Variants in TAOK3 observed in about 807,000 individuals in gnomAD.
TAOK3 encodes serine/threonine-protein kinase TAO3.
TAOK3 carries 40 observed loss-of-function variants against 120.4 expected under a neutral mutation model. The observed-to-expected ratio is 0.33, with a 90% CI of 0.26 to 0.43. The LOEUF (loss-of-function observed/expected upper bound fraction) is 0.43. Ranked by LOEUF, TAOK3 falls within the 20% of genes least tolerant of loss-of-function variation. TAOK3 has a pLI of 1.00. For synonymous variants in TAOK3, 355 were observed against 387.5 expected (o/e 0.92, Z 0.99); for missense variants, 821 against 1,112.1 (o/e 0.74, Z 3.72).
intron 11 of TAOK3, among the ~76,000 whole-genome samples, chr12:118,207,241 G>T (rs753888369): frequency 2.6e-5 from 4 of 151,082 alleles, no homozygotes; most frequent in Admixed American, 6.6e-5. Flanking sequence ...CAGGAGAATC[G>T]CTTGAACCAG....
chr12:118,244,920 A>T lies in TAOK3; in HGVS notation c.166T>A (p.Ser56Thr). The T allele has an allele frequency of 6.2e-7, 1 of 1,609,546 alleles. No homozygotes were observed. Among genetic ancestry groups the T allele is most frequent in the South Asian group, 1.1e-5 (1 of 91,008 alleles). ...TCATGGGTCTGCTTCCCACTATAGG[A>T]CATCTTCTTAATTGCCACCACCTCA... Reference protein sequence around the residue: ...TSEVVAIKKMSYSGKQTHEKW... With the variant: ...TSEVVAIKKMTYSGKQTHEKW... The change falls in exon 4 of 21, where the codon TCC (serine) becomes ACC (threonine). Residue 56 changes from serine to threonine, a missense_variant. By Grantham distance (58) the Ser-to-Thr change is moderately conservative. This residue lies in a region of TAOK3 where 467 missense variants were observed against 540.0 expected (regional missense o/e 0.86). Coordinates refer to ENST00000392533, the MANE Select transcript of TAOK3 (RefSeq NM_016281.4).
At chr12:118,257,018 T>TTA (rs888060802) in intron 2 of TAOK3, among the ~76,000 whole-genome samples, 2 of 152,306 alleles carry the variant, frequency 1.3e-5, no homozygotes, top group African/African-American at 2.4e-5. Flanking sequence ...CACTAAAACC[T>TTA]TATATATATT....
chr12:118,162,004 C>T lies in TAOK3; in HGVS notation c.1923G>A (p.Gln641=). The T allele has an allele frequency of 6.2e-7, 1 of 1,613,806 alleles. No individual in the cohort carries two copies. Among genetic ancestry groups the T allele is most frequent in the South Asian group, 1.1e-5 (1 of 91,068 alleles). ...IREELNKKRT[Q]KEMEHAMLIR... ...TTAGCATGGCATGCTCCATCTCCTTCTGGGTCCTCTTTTTATTTAGTTCCT... is the reference window on the plus strand; with the variant it reads ...TTAGCATGGCATGCTCCATCTCCTTTTGGGTCCTCTTTTTATTTAGTTCCT... Residue 641 remains glutamine (Q), a synonymous_variant, in exon 18 of 21, where the codon CAG becomes CAA. Coordinates refer to ENST00000392533, the MANE Select transcript of TAOK3 (RefSeq NM_016281.4).
At chr12:118,291,009 C>T (rs1054989596) in intron 1 of TAOK3, among the ~76,000 whole-genome samples, 1 of 151,510 alleles carries the variant, frequency 6.6e-6, no homozygotes, top group African/African-American at 2.4e-5. Context: ...GCGCCTGCCA[C>T]CATGCCCAGC....
chr12:118,235,373 T>C (rs2039978592), intron 8 of TAOK3, among the ~76,000 whole-genome samples, 185 bp downstream of exon 8: 1 of 152,206 alleles, frequency 6.6e-6, no homozygotes, highest in Admixed American at 6.5e-5. Flanking sequence ...TTAAAGTCAT[T>C]GTAAATTTTA....
At chr12:118,243,681 T>C (rs2040352316) in intron 4 of TAOK3, among the ~76,000 whole-genome samples, 165 bp from the exon 5 acceptor site, 1 of 152,118 alleles carries the variant, frequency 6.6e-6, no homozygotes, top group Non-Finnish European at 1.5e-5. Flanking sequence ...CTCTCTCTCT[T>C]TTTGTTTTTA....
At chr12:118,339,275 CTTTTTTT>C (rs72009582) in intron 1 of TAOK3, among the ~76,000 whole-genome samples, 11 of 86,926 alleles carry the variant, frequency 1.3e-4, no homozygotes, top group East Asian at 1.2e-3. Flanking sequence ...CTTCATCATA[CTTTTTTT>C]TTTTTTTTTT....
Position 118,172,823 on chromosome 12 carries a change from AATTGAGT to A in TAOK3, c.1696-170_1696-164del, listed in dbSNP as rs559889469. The stretch of plus-strand genomic sequence containing the variant: ...CCCCAATTTTTTTTATTTGCTCATT[AATTGAGT>A]ATTAAGTGAGAGGGACACTTGTGAG... On this transcript the variant is annotated intron_variant, in intron 16 of 20. Transcript: ENST00000392533. Among the ~76,000 whole-genome samples, 579 of 152,208 alleles carry A rather than the reference AATTGAGT, an allele frequency of 3.8e-3. 4 individuals are homozygous for A. Among genetic ancestry groups the A allele is most frequent in the Non-Finnish European group, 3.5e-3 (235 of 68,018 alleles).
chr12:118,272,241 C>T (rs982519820), intron 1 of TAOK3, among the ~76,000 whole-genome samples: 13 of 143,976 alleles, frequency 9.0e-5, no homozygotes, highest in African/African-American at 3.1e-4. Flanking sequence ...TGCAGTGAGC[C>T]GAGTTACACC....
intron 2 of TAOK3, among the ~76,000 whole-genome samples, chr12:118,261,008 C>G (rs1244772236): frequency 6.6e-6 from 1 of 152,118 alleles, no homozygotes. Context: ...GAGATGAAAG[C>G]TACAATGTCT....
At chr12:118,242,672 C>T (rs911767644) in intron 5 of TAOK3, among the ~76,000 whole-genome samples, 4 of 152,018 alleles carry the variant, frequency 2.6e-5, no homozygotes, top group African/African-American at 9.7e-5. Flanking sequence ...CCAGCGTGGC[C>T]AACATGGTGA....
chr12:118,199,062 C>T lies in TAOK3; in HGVS notation c.1183G>A (p.Val395Met), dbSNP rs373223808. The T allele has an allele frequency of 6.2e-5, 100 of 1,614,034 alleles. No individual in the cohort carries two copies. Among genetic ancestry groups the T allele is most frequent in the Non-Finnish European group, 8.1e-5 (96 of 1,180,044 alleles). Reference sequence around the variant, plus strand: ...ACCAAGAAACCTACTTTCTTATGCACGACGGAGGAGCTGGAATTGATTGTG... The same window carrying T: ...ACCAAGAAACCTACTTTCTTATGCATGACGGAGGAGCTGGAATTGATTGTG... ...ESTINSSSSV[V>M]HKKDHVFIRD... is the part of the protein sequence containing the mutation. The change falls in exon 13 of 21, where the codon GTG (valine) becomes ATG (methionine). Residue 395 changes from valine (V) to methionine (M), a missense_variant. Around this residue, in one of 2 missense-constraint regions of TAOK3, gnomAD observed 467 missense variants for 540.0 expected, o/e 0.86. Coordinates refer to ENST00000392533, the MANE Select transcript of TAOK3 (RefSeq NM_016281.4).
intron 1 of TAOK3, among the ~76,000 whole-genome samples, chr12:118,316,456 G>A (rs1352736549): frequency 2.6e-5 from 4 of 152,058 alleles, no homozygotes; most frequent in East Asian, 3.9e-4. Context: ...GTGGGGTCTC[G>A]CTCTGTCATC....
At chr12:118,286,716 T>C (rs2042280449) in intron 1 of TAOK3, among the ~76,000 whole-genome samples, 1 of 152,238 alleles carries the variant, frequency 6.6e-6, no homozygotes, top group East Asian at 1.9e-4. Flanking sequence ...ATCCTGGTAC[T>C]GGTTATCTAC....
intron 1 of TAOK3, among the ~76,000 whole-genome samples, chr12:118,345,532 T>A (rs983026895): frequency 6.6e-6 from 1 of 152,206 alleles, no homozygotes; most frequent in Non-Finnish European, 1.5e-5. Context: ...AGCCATGTGT[T>A]TGGGAAGATA....
chr12:118,318,141 G>A (rs1482032431), intron 1 of TAOK3, among the ~76,000 whole-genome samples: 1 of 149,608 alleles, frequency 6.7e-6, no homozygotes. Context: ...ACCTAAATAA[G>A]ATATAAAGCT....
chr12:118,211,920 C>G (rs1435447901), intron 11 of TAOK3, among the ~76,000 whole-genome samples: 2 of 152,076 alleles, frequency 1.3e-5, no homozygotes, highest in African/African-American at 4.8e-5. Flanking sequence ...CTATTTTCCC[C>G]TAAAGAAACA....
chr12:118,359,757 G>C (rs761376554), intron 1 of TAOK3: 1 of 152,022 alleles, frequency 6.6e-6, no homozygotes, highest in Non-Finnish European at 1.5e-5. Flanking sequence ...GCCTATGGGT[G>C]GTGGCAATTC....
chr12:118,213,469 C>T (rs1382666202), intron 10 of TAOK3, among the ~76,000 whole-genome samples: 1 of 152,110 alleles, frequency 6.6e-6, no homozygotes, highest in African/African-American at 2.4e-5. Flanking sequence ...CTTAAAAGTT[C>T]CATTTTATCC....
Sources: allele counts gnomAD v4.1 joint callset (sites outside exome capture counted in the v4.1 genomes callset), GRCh38; gene constraint gnomAD v4.1.1; regional missense constraint gnomAD v4.1.1; transcripts MANE v1.5; gene names NCBI Gene and HGNC (gene_info 2026-07-23, HGNC 2026-07-21).